Variants in MRTFA observed in about 807,000 individuals in gnomAD.
The protein encoded by MRTFA is myocardin-related transcription factor A.
In MRTFA, 20 loss-of-function variants were observed where a neutral mutation model predicts 83.5. That is an observed-to-expected ratio of 0.24 (90% CI 0.17 to 0.35). The LOEUF is 0.35. Among genes scored for constraint, MRTFA ranks in the 10% least tolerant of loss-of-function variants. MRTFA has a pLI of 1.00. For missense variants in MRTFA, 1,200 were observed against 1,224.7 expected, an observed-to-expected ratio of 0.98 and a Z score of 0.30; for synonymous variants, 659 against 541.2, an observed-to-expected ratio of 1.22 and a Z score of -3.02.
intron 4 of MRTFA, chr22:40,439,848 C>T (rs1055304595): frequency 6.6e-6 from 1 of 152,566 alleles, no homozygotes; most frequent in South Asian, 2.0e-4. Flanking sequence ...GAAACGAAGA[C>T]CAAGAAAAGA....
rs527370484 is a variant in MRTFA at position 40,562,074 on chromosome 22, G to A, written c.-21-9707C>T. Among the ~76,000 whole-genome samples the A allele has an allele frequency of 9.4e-4, 143 of 152,156 alleles. 1 individual carries two copies. In the Middle Eastern group the frequency reaches 0.02, roughly 22 times the overall value. On this transcript the variant is annotated intron_variant, in intron 2 of 14. Coordinates refer to ENST00000355630, the MANE Select transcript of MRTFA (RefSeq NM_020831.6). ...TACAAAAAATACAAAAAAATTAGCC[G>A]GACGTGGTGGTGGGCACCTGTAGTC... is the stretch of plus-strand genomic sequence containing the variant.
intron 1 of MRTFA, among the ~76,000 whole-genome samples, chr22:40,630,211 G>A (rs950620869): frequency 6.6e-6 from 1 of 152,096 alleles, no homozygotes; most frequent in Non-Finnish European, 1.5e-5. Flanking sequence ...AGCTACTTGG[G>A]AAGCTGAGGC....
intron 14 of MRTFA, among the ~76,000 whole-genome samples, chr22:40,413,137 CAAAA>C (rs35119560): frequency 3.2e-4 from 9 of 28,134 alleles, no homozygotes; most frequent in Admixed American, 1.2e-3. Context: ...CACCCTGTCT[CAAAA>C]AAAAAAAAAA....
chr22:40,457,398 G>C (rs982970493), intron 4 of MRTFA, among the ~76,000 whole-genome samples: 1 of 144,034 alleles, frequency 6.9e-6, no homozygotes, highest in South Asian at 2.2e-4. Flanking sequence ...GAAAAAGAAA[G>C]AAAGAAAGAG....
rs879494102 is a variant in MRTFA at position 40,586,147 on chromosome 22, AT to A, written c.-22+8526del. Among the ~76,000 whole-genome samples the A allele has an allele frequency of 9.3e-4, 140 of 151,226 alleles. 1 individual carries two copies. In the Middle Eastern group the frequency reaches 0.02, roughly 22 times the overall value. The stretch of plus-strand genomic sequence containing the variant: ...TGGTAGGTGGAAGTTGAGAGTAATT[AT>A]TTTTTTTTATCTCCATCAAAGTCCT... On this transcript the variant is annotated intron_variant, in intron 2 of 14. Transcript: ENST00000355630.
At chr22:40,487,823 C>T (rs778812888) in intron 3 of MRTFA, among the ~76,000 whole-genome samples, 11 of 152,094 alleles carry the variant, frequency 7.2e-5, no homozygotes, top group Non-Finnish European at 1.6e-4. Flanking sequence ...GGGATAAATA[C>T]CTCATTTTGC....
At position 40,619,186 on chromosome 22, in the gene MRTFA, C is replaced by T. The variant is rs189226020; in HGVS notation, c.-84+17292G>A. On this transcript the variant is annotated intron_variant, in intron 1 of 14. Transcript: ENST00000355630. ...TTGGCTTTAAATAAAGGAGGCTGTC[C>T]TAGATAATCTGGATGGGCCTGATTC... 2.0e-3 allele frequency among the ~76,000 whole-genome samples: 304 copies of T among 151,676 alleles called. 3 individuals are homozygous for T. The East Asian group carries it at 0.026, about 13-fold the overall frequency.
At chr22:40,597,061 G>A (rs1483358852) in intron 1 of MRTFA, among the ~76,000 whole-genome samples, 7 of 151,838 alleles carry the variant, frequency 4.6e-5, no homozygotes, top group Non-Finnish European at 7.4e-5. Flanking sequence ...TGTTAACACA[G>A]TTAAAACATT....
At chr22:40,433,906 T>G (rs1377583432) in intron 5 of MRTFA, among the ~76,000 whole-genome samples, 1 of 152,240 alleles carries the variant, frequency 6.6e-6, no homozygotes, top group Non-Finnish European at 1.5e-5. Context: ...TTGAACGTTA[T>G]GGTTACCATG....
At chr22:40,559,404 GT>G (rs1210115067) in intron 2 of MRTFA, among the ~76,000 whole-genome samples, 10 of 152,068 alleles carry the variant, frequency 6.6e-5, no homozygotes, top group Non-Finnish European at 1.3e-4. Context: ...AAAAAATGGT[GT>G]TTCTTAGAAC....
chr22:40,443,690 C>T (rs2053323375), intron 4 of MRTFA, among the ~76,000 whole-genome samples: 2 of 152,206 alleles, frequency 1.3e-5, no homozygotes, highest in African/African-American at 2.4e-5. Flanking sequence ...TTCCCACCTC[C>T]CCCTAAAGGC....
chr22:40,603,883 G>A (rs1208692794), intron 1 of MRTFA, among the ~76,000 whole-genome samples: 1 of 151,714 alleles, frequency 6.6e-6, no homozygotes, highest in Non-Finnish European at 1.5e-5. Context: ...ATAGTGCTGG[G>A]ATTATAGGCA....
intron 4 of MRTFA, among the ~76,000 whole-genome samples, chr22:40,461,628 C>CAAAAAAAA (rs71199287): frequency 2.1e-4 from 21 of 100,338 alleles, no homozygotes; most frequent in Admixed American, 2.3e-4. Context: ...ACTAAAAATA[C>CAAAAAAAA]AAAAAAAAAA....
At chr22:40,613,925 C>T (rs1465922029) in intron 1 of MRTFA, among the ~76,000 whole-genome samples, 3 of 151,204 alleles carry the variant, frequency 2.0e-5, no homozygotes, top group Non-Finnish European at 4.4e-5. Flanking sequence ...ATAAGCCGGG[C>T]GTGGTGGCTC....
chr22:40,507,592 G>A (rs1344942803), intron 3 of MRTFA, among the ~76,000 whole-genome samples: 1 of 151,922 alleles, frequency 6.6e-6, no homozygotes, highest in African/African-American at 2.4e-5. Context: ...ACTCCCACCT[G>A]TGTGACAGAG....
chr22:40,415,258 C>CGCCCA (rs1358027255), intron 14 of MRTFA: 2 of 152,654 alleles, frequency 1.3e-5, no homozygotes, highest in African/African-American at 4.8e-5. Context: ...CGCTCCTGAG[C>CGCCCA]GCCCAGCCCA....
chr22:40,571,652 A>G (rs9619882), intron 2 of MRTFA, among the ~76,000 whole-genome samples: 4 of 152,050 alleles, frequency 2.6e-5, no homozygotes, highest in African/African-American at 9.7e-5. Flanking sequence ...AAATATAAAA[A>G]CAGACAATAT....
At chr22:40,454,726 T>G (rs2053552857) in intron 4 of MRTFA, among the ~76,000 whole-genome samples, 1 of 152,224 alleles carries the variant, frequency 6.6e-6, no homozygotes, top group Non-Finnish European at 1.5e-5. Context: ...GCCCAAAGTC[T>G]TCTAACTCCT....
At chr22:40,439,470 A>C (rs2053232409) in intron 4 of MRTFA, among the ~76,000 whole-genome samples, 1 of 142,158 alleles carries the variant, frequency 7.0e-6, no homozygotes, top group East Asian at 2.1e-4. Context: ...GCTCCATGGC[A>C]CTCCAACCTG....
Sources: allele counts gnomAD v4.1 joint callset (sites outside exome capture counted in the v4.1 genomes callset), GRCh38; gene constraint gnomAD v4.1.1; transcripts MANE v1.5; gene names NCBI Gene and HGNC (gene_info 2026-07-23, HGNC 2026-07-21).